NDRG4: variants seen among roughly 807,000 people sequenced by gnomAD.
NDRG4 encodes NDRG family member 4, also known as protein NDRG4.
A neutral mutation model predicts 55.8 loss-of-function variants in NDRG4; 38 were observed. The ratio of observed to expected loss-of-function variants is 0.68; its 90% CI spans 0.53 to 0.89. The LOEUF (loss-of-function observed/expected upper bound fraction) is 0.89, where lower values mean the gene tolerates loss of function less well. Among genes scored for constraint, NDRG4 ranks in the 40% least tolerant of loss-of-function variants. NDRG4 has a pLI of 0.00. For missense variants in NDRG4, 455 were observed against 468.6 expected (o/e 0.97, Z 0.27); for synonymous variants, 190 against 182.7 (o/e 1.04, Z -0.32).
chr16:58,503,663 G>A (rs753883774), intron 1 of NDRG4, 135 bp from the exon 2 acceptor site: 1 of 1,527,444 alleles, frequency 6.5e-7, no homozygotes, highest in Non-Finnish European at 8.8e-7. Flanking sequence ...GGGCTTCTTG[G>A]GGTGATGAGA....
At chr16:58,499,171 C>T (rs62040070), upstream of NDRG4, 39,267 of 152,424 alleles carry the variant, frequency 0.26, 5,352 homozygotes, top group Middle Eastern at 0.33. Flanking sequence ...CACCCAGATC[C>T]TTGCTGCCCA....
chr16:58,470,233 A>G (rs1186155725), intron 1 of NDRG4, among the ~76,000 whole-genome samples: 15 of 152,370 alleles, frequency 9.8e-5, no homozygotes, highest in East Asian at 1.9e-4. Context: ...TAAAAAAACT[A>G]AAAATTAATG....
rs1438130542 is a variant in NDRG4 at position 58,504,201 on chromosome 16, A to G, written c.175A>G (p.Ile59Val). The change falls in exon 3 of 15, where the codon ATC (isoleucine) becomes GTC (valine). Residue 59 changes from isoleucine (I) to valine (V), a missense_variant. Physicochemically the swap from Ile to Val is conservative, Grantham distance 29. Coordinates refer to ENST00000570248, the MANE Select transcript of NDRG4 (RefSeq NM_001242835.2). The part of the protein sequence containing the change: ...TFFNFEDMQE[I>V]TKHFVVCHVD... ...CTTCAACTTCGAGGACATGCAGGAG[A>G]TCACCAAGCACTTTGTGGTGTGTCA... 1.9e-6 allele frequency: 3 copies of G among 1,614,024 alleles called. No homozygotes were observed. The highest frequency in any genetic ancestry group is 2.5e-6 in the Non-Finnish European group (3 of 1,180,026).
chr16:58,470,953 CAGA>C (rs2032688107), intron 1 of NDRG4, among the ~76,000 whole-genome samples: 1 of 137,664 alleles, frequency 7.3e-6, no homozygotes, highest in Non-Finnish European at 1.6e-5. Flanking sequence ...TATTCAAAAA[CAGA>C]AGAACAGGTG....
At chr16:58,486,778 T>C (rs2035142041) in intron 1 of NDRG4, among the ~76,000 whole-genome samples, 2 of 150,730 alleles carry the variant, frequency 1.3e-5, no homozygotes, top group Non-Finnish European at 2.9e-5. Context: ...ATTCTTCCTC[T>C]GAGGTTCAGA....
chr16:58,488,448 C>T (rs1373807967), intron 2 of NDRG4, among the ~76,000 whole-genome samples: 1 of 152,220 alleles, frequency 6.6e-6, no homozygotes. Context: ...TTCCCTTTCC[C>T]TCCCTCCCAG....
At chr16:58,490,798 G>A (rs1251982728) in intron 2 of NDRG4, among the ~76,000 whole-genome samples, 1 of 152,160 alleles carries the variant, frequency 6.6e-6, no homozygotes, top group African/African-American at 2.4e-5. Context: ...CCAACATGGC[G>A]AAACCCCATC....
chr16:58,490,262 C>G (rs1009930627), intron 2 of NDRG4, among the ~76,000 whole-genome samples: 1 of 152,224 alleles, frequency 6.6e-6, no homozygotes, highest in African/African-American at 2.4e-5. Context: ...GGTTGCGGGA[C>G]AGCCGCACGG....
intron 2 of NDRG4, 52 bp from the exon 3 acceptor site, chr16:58,504,102 T>C (rs2037526935): frequency 6.2e-7 from 1 of 1,608,768 alleles, no homozygotes; most frequent in Non-Finnish European, 8.5e-7. Context: ...CCGGCCTTCC[T>C]TCCAGTCCCC....
chr16:58,467,719 C>T (rs1480261274), intron 1 of NDRG4, among the ~76,000 whole-genome samples: 1 of 152,196 alleles, frequency 6.6e-6, no homozygotes, highest in African/African-American at 2.4e-5. Context: ...TTCCACACTT[C>T]ATTTTCCTCA....
intron 1 of NDRG4, among the ~76,000 whole-genome samples, chr16:58,486,216 C>T (rs965511040): frequency 1.6e-4 from 24 of 152,196 alleles, no homozygotes; most frequent in African/African-American, 5.8e-4. Flanking sequence ...GGCTGGAGTG[C>T]AGTGGTGCAA....
chr16:58,498,433 G>A (rs977369213), upstream of NDRG4, among the ~76,000 whole-genome samples: 3 of 152,288 alleles, frequency 2.0e-5, no homozygotes, highest in East Asian at 3.9e-4. Flanking sequence ...AGCAGGTGTC[G>A]ACCAGGTCAG....
At chr16:58,500,114 T>C (rs1335539004), upstream of NDRG4, 2 of 1,529,984 alleles carry the variant, frequency 1.3e-6, no homozygotes, top group African/African-American at 2.7e-5. Context: ...AGGATCCCTG[T>C]ATAAATGGCC....
At chr16:58,484,224 T>A (rs1306051321) in intron 1 of NDRG4, among the ~76,000 whole-genome samples, 3 of 151,916 alleles carry the variant, frequency 2.0e-5, no homozygotes, top group Admixed American at 1.3e-4. Flanking sequence ...ACAAAAAAAA[T>A]TAGCCAGGCG....
intron 7 of NDRG4, 88 bp downstream of exon 7, chr16:58,506,702 C>T (rs1327758651): frequency 2.8e-6 from 4 of 1,429,930 alleles, no homozygotes; most frequent in East Asian, 5.0e-5. Flanking sequence ...GTGTCTTTGG[C>T]ATCTGACCTG....
At chr16:58,472,293 T>C (rs12102928) in intron 1 of NDRG4, 51,630 of 152,100 alleles carry the variant, frequency 0.34, 8,800 homozygotes, top group African/African-American at 0.37. Context: ...ACCCACAACC[T>C]AAGGTGAGCA....
At chr16:58,506,326 G>A in intron 5 of NDRG4, 61 bp from the exon 6 acceptor site, 1 of 1,505,874 alleles carries the variant, frequency 6.6e-7, no homozygotes, top group Non-Finnish European at 9.2e-7. Context: ...ACTTTACAGA[G>A]TGTTTCTGCC....
chr16:58,469,309 T>C (rs1254439916), intron 1 of NDRG4, among the ~76,000 whole-genome samples: 1 of 150,114 alleles, frequency 6.7e-6, no homozygotes, highest in Non-Finnish European at 1.5e-5. Context: ...GGCACGTACA[T>C]GGTTTAGTAA....
intron 1 of NDRG4, chr16:58,465,318 G>C (rs1347003106): frequency 7.1e-6 from 3 of 425,356 alleles, no homozygotes; most frequent in African/African-American, 6.1e-5. Flanking sequence ...CAGAGCCCCG[G>C]AGCCCTGTTA....
Sources: gnomAD v4.1 joint callset for allele counts (sites outside exome capture counted in the v4.1 genomes callset) on GRCh38, gnomAD v4.1.1 for gene constraint, MANE v1.5 for transcripts, NCBI Gene and HGNC (gene_info 2026-07-23, HGNC 2026-07-21) for gene names.